Variants in STXBP2 observed in about 807,000 individuals in gnomAD.
STXBP2 encodes the protein syntaxin-binding protein 2.
Under a neutral mutation model 72.2 loss-of-function variants are expected in STXBP2, and 47 were observed. The ratio of observed to expected loss-of-function variants is 0.65; its 90% confidence interval spans 0.51 to 0.83. The LOEUF (loss-of-function observed/expected upper bound fraction) is 0.83. STXBP2 is among the 40% of genes least tolerant of loss of function. The pLI, the probability that STXBP2 is intolerant of heterozygous loss-of-function variation, is 0.00. For synonymous variants in STXBP2, 367 were observed against 338.7 expected, an observed-to-expected ratio of 1.08 and a Z score of -0.92; for missense variants, 702 against 807.6, an observed-to-expected ratio of 0.87 and a Z score of 1.58.
chr19:7,639,312 T>G, intron 3 of STXBP2: 1 of 652,290 alleles, frequency 1.5e-6, no homozygotes, highest in Non-Finnish European at 2.8e-6. Flanking sequence ...ATTGCAGGCC[T>G]CCCCTGCAGC....
At chr19:7,644,578 A>G (rs1374022412) in intron 13 of STXBP2, 36 bp from the exon 14 acceptor site, 34 of 1,607,528 alleles carry the variant, frequency 2.1e-5, no homozygotes, top group Non-Finnish European at 2.8e-5. Context: ...TCCCTGACAC[A>G]TAGCGGCCGG....
At chr19:7,639,708 G>T (rs530312675) in intron 3 of STXBP2, 23 bp from the exon 4 acceptor site, 2 of 1,611,072 alleles carry the variant, frequency 1.2e-6, no homozygotes, top group African/African-American at 1.3e-5. Context: ...ACCCACCTGT[G>T]TCCCTTCCTC....
intron 4 of STXBP2, 134 bp downstream of exon 4, chr19:7,639,941 TGTGTGTG>T (rs1284622078): frequency 3.5e-6 from 3 of 860,212 alleles, no homozygotes; most frequent in African/African-American, 3.4e-5. Context: ...TGTGTGTGCA[TGTGTGTG>T]CATGTGTGTG....
At chr19:7,631,229 C>G in the STXBP2 span, 2 of 1,401,470 alleles carry the variant, frequency 1.4e-6, no homozygotes, top group South Asian at 3.2e-5. Context: ...ATTTTACTCT[C>G]AGCCATGAGT....
At position 7,642,196 on chromosome 19, in the gene STXBP2, A is replaced by G. The variant is rs1246255243; in HGVS notation, c.664-7A>G. On this transcript the variant is annotated splice_region_variant and splice_polypyrimidine_tract_variant and intron_variant, in intron 8 of 18. Transcript: ENST00000221283. The surrounding 1 kb of genome is among the most constrained non-coding windows in gnomAD (Gnocchi z 6.0). ...GTGCCTCATTCCTGCCCTAAACCCC[A>G]CCCCAGGGCCCAGAGAAAACCCGCT... The G allele has an allele frequency of 1.9e-6, 3 of 1,613,252 alleles. No homozygotes were observed. The highest frequency in any genetic ancestry group is 2.5e-6 in the Non-Finnish European group (3 of 1,179,850).
At position 7,644,719 on chromosome 19, in the gene STXBP2, C is replaced by A; in HGVS notation, c.1213C>A (p.Arg405=). 1.2e-6 allele frequency: 2 copies of A among 1,613,784 alleles called. No homozygotes were observed. The highest frequency in any genetic ancestry group is 1.7e-6 in the Non-Finnish European group (2 of 1,179,856). ...GGCGGTGCCCGCCTACGACAAGATC[C>A]GGGTCCTGCTGCTCTACATCCTCCT... The part of the protein sequence containing the change: ...DAAVPAYDKI[R]VLLLYILLRN... Residue 405 remains arginine, a synonymous_variant, in exon 14 of 19, where the codon CGG becomes AGG. Transcript: ENST00000221283.
intron 13 of STXBP2, among the ~76,000 whole-genome samples, chr19:7,643,575 G>T (rs1463423552): frequency 6.6e-6 from 1 of 152,006 alleles, no homozygotes; most frequent in Non-Finnish European, 1.5e-5. Flanking sequence ...CAGGGCCTTG[G>T]AGAGGTGCGA....
At chr19:7,640,500 C>CTG (rs34153991) in intron 4 of STXBP2, 67 of 587,956 alleles carry the variant, frequency 1.1e-4, no homozygotes, top group African/African-American at 5.3e-4. Flanking sequence ...GTGTGTGCAT[C>CTG]TGTGTGTGTG....
the STXBP2 span, chr19:7,631,411 G>GGGCCCCCCCCCCCCCCCC: frequency 1.1e-6 from 1 of 886,150 alleles, no homozygotes; most frequent in Non-Finnish European, 1.7e-6. Flanking sequence ...GGGGGGGGTG[G>GGGCCCCCCCCCCCCCCCC]TCCCGGCTCT....
chr19:7,647,625 T>A (rs977729041), intron 18 of STXBP2, 100 bp from the exon 19 acceptor site: 26 of 1,599,836 alleles, frequency 1.6e-5, no homozygotes, highest in Admixed American at 5.0e-5. Context: ...CCTGGTTTGC[T>A]GAGGGACAGG....
chr19:7,644,857 C>T (rs2032068423), intron 14 of STXBP2, 105 bp downstream of exon 14: 5 of 1,565,338 alleles, frequency 3.2e-6, no homozygotes, highest in East Asian at 4.6e-5. Context: ...TTTGCACTCA[C>T]CGGGCTCACC....
rs533255375 is a variant in STXBP2, at chr19:7,640,465, T to A, written c.247-266T>A. 719 of 674,576 alleles carry A rather than the reference T, an allele frequency of 1.1e-3. 4 individuals carry two copies. Among genetic ancestry groups the A allele is most frequent in the Admixed American group, 2.9e-3 (141 of 48,274 alleles). The allele number at this position is 674,576 out of a possible 1,614,324, so 41.8% of individuals were successfully genotyped here. A position where few individuals can be genotyped will look rare whatever the true frequency, so the allele number is the denominator to read the frequency against. The stretch of plus-strand genomic sequence containing the variant: ...GCATGTGTGTATGTATGTGTGTGCA[T>A]CTCTGTGTGTGCATGTGTGTATGTG... On this transcript the variant is annotated intron_variant, in intron 4 of 18. Coordinates refer to ENST00000221283, the MANE Select transcript of STXBP2 (RefSeq NM_006949.4).
Position 7,642,355 on chromosome 19 carries a change from C to A in STXBP2, c.794+22C>A. On this transcript the variant is annotated intron_variant, in intron 9 of 18. Transcript: ENST00000221283. The surrounding 1 kb of genome is among the most constrained non-coding windows in gnomAD (Gnocchi z 6.0). ...ACAGGTCTGCAGACTTGGAACCCGT[C>A]CCCACCCTTGCCACTGACCTGGTTC... 6.2e-7 allele frequency: 1 copy of A among 1,613,012 alleles called. No homozygotes were observed. Among genetic ancestry groups the A allele is most frequent in the Non-Finnish European group, 8.5e-7 (1 of 1,178,976 alleles).
chr19:7,631,399 C>CGGGGGGGGGGGTGGGGGGGGG, the STXBP2 span: 2 of 583,168 alleles, frequency 3.4e-6, no homozygotes, highest in East Asian at 5.1e-5. Context: ...GAGAGGTGGG[C>CGGGGGGGGGGGTGGGGGGGGG]GGGGGGGGGT....
At chr19:7,640,276 ATG>A (rs1410270325) in intron 4 of STXBP2, 1 of 480,444 alleles carries the variant, frequency 2.1e-6, no homozygotes, top group African/African-American at 2.5e-5. Context: ...GTGTATATGT[ATG>A]TGCATCTGTG....
Position 7,638,777 on chromosome 19 carries a change from TA to T in STXBP2, c.87+3del, listed in dbSNP as rs771510137. 19 of 1,613,796 alleles carry T rather than the reference TA, an allele frequency of 1.2e-5. No individual in the cohort carries two copies. The highest frequency in any genetic ancestry group is 2.2e-5 in the East Asian group (1 of 44,880). On this transcript the variant is annotated splice_donor_region_variant and intron_variant, in intron 2 of 18. Coordinates refer to ENST00000221283, the MANE Select transcript of STXBP2 (RefSeq NM_006949.4). The stretch of plus-strand genomic sequence containing the variant: ...GTCAAGAAGGATGGGGAGTGGAAGG[TA>T]GGGGTGAGGCAGATGGCTGGGTACC...
intron 14 of STXBP2, 32 bp downstream of exon 14, chr19:7,644,784 C>G (rs746898208): frequency 1.9e-6 from 3 of 1,613,040 alleles, no homozygotes; most frequent in Admixed American, 1.7e-5. Context: ...TTGGAACGTC[C>G]CCATTTGCCA....
chr19:7,643,869 G>T (rs1390359904), intron 13 of STXBP2, among the ~76,000 whole-genome samples: 3 of 150,432 alleles, frequency 2.0e-5, no homozygotes, highest in Non-Finnish European at 4.4e-5. Context: ...CCTGGGAGAG[G>T]GGCGGAGCCT....
intron 4 of STXBP2, chr19:7,640,207 T>G: frequency 1.8e-6 from 1 of 549,900 alleles, no homozygotes; most frequent in Non-Finnish European, 3.5e-6. Flanking sequence ...TGCGTGTGTA[T>G]GTATGTGTCT....
Sources: allele counts gnomAD v4.1 joint callset (sites outside exome capture counted in the v4.1 genomes callset), GRCh38; gene constraint gnomAD v4.1.1; non-coding constraint Gnocchi (gnomAD v3.1); transcripts MANE v1.5; gene names NCBI Gene and HGNC (gene_info 2026-07-23, HGNC 2026-07-21).